The following FLYWCH2 variants were observed in gnomAD, a reference collection of about 807,000 sequenced individuals.
FLYWCH2 encodes the protein FLYWCH family member 2.
In FLYWCH2, 2 loss-of-function variants were observed where a neutral mutation model predicts 6.0. The ratio of observed to expected loss-of-function variants is 0.33; its 90% CI spans 0.14 to 1.04. The LOEUF (loss-of-function observed/expected upper bound fraction) is 1.04, where lower values mean the gene tolerates loss of function less well. FLYWCH2 is among the 50% of genes least tolerant of loss of function. FLYWCH2 has a pLI of 0.45. For missense variants in FLYWCH2, 192 were observed against 183.4 expected, an observed-to-expected ratio of 1.05 and a Z score of -0.27; for synonymous variants, 87 against 79.3, an observed-to-expected ratio of 1.10 and a Z score of -0.52.
intron 2 of FLYWCH2, among the ~76,000 whole-genome samples, 172 bp from the exon 3 acceptor site, chr16:2,896,180 G>A (rs2069817305): frequency 6.6e-6 from 1 of 152,300 alleles, no homozygotes; most frequent in East Asian, 1.9e-4. Context: ...ACGTTCCCAA[G>A]GCTGCCAGGA....
chr16:2,892,019 C>A (rs2069763343), intron 1 of FLYWCH2, among the ~76,000 whole-genome samples: 2 of 150,792 alleles, frequency 1.3e-5, no homozygotes, highest in South Asian at 2.1e-4. Context: ...TGGTGAAACC[C>A]TGTCTCAACT....
chr16:2,895,559 GAGCCA>G (rs2069809673), intron 2 of FLYWCH2, among the ~76,000 whole-genome samples: 1 of 152,256 alleles, frequency 6.6e-6, no homozygotes, highest in South Asian at 2.1e-4. Flanking sequence ...AGCTTGCAGT[GAGCCA>G]AGATCGTGCC....
At chr16:2,886,516 CTTTTTTTTT>C (rs34052316) in intron 1 of FLYWCH2, among the ~76,000 whole-genome samples, 1 of 66,848 alleles carries the variant, frequency 1.5e-5, no homozygotes, top group Non-Finnish European at 2.7e-5. Flanking sequence ...CCCCTTTGTC[CTTTTTTTTT>C]TTTTTTTTTT....
intron 1 of FLYWCH2, among the ~76,000 whole-genome samples, chr16:2,893,956 A>G (rs1329168077): frequency 6.6e-6 from 1 of 152,052 alleles, no homozygotes; most frequent in African/African-American, 2.4e-5. Context: ...GCCCTTTTGT[A>G]CAGCTCAGAG....
intron 1 of FLYWCH2, among the ~76,000 whole-genome samples, chr16:2,888,316 G>A (rs73477215): frequency 0.025 from 3,787 of 151,734 alleles, 177 homozygotes; most frequent in African/African-American, 0.085. Flanking sequence ...GGCCTGTGTC[G>A]GTCTTTATGC....
At chr16:2,892,505 A>AAC (rs397933048) in intron 1 of FLYWCH2, among the ~76,000 whole-genome samples, 1 of 148,334 alleles carries the variant, frequency 6.7e-6, no homozygotes. Context: ...CAAAAAAAAA[A>AAC]CACAATTTAT....
Position 2,886,778 on chromosome 16 carries a change from C to A in FLYWCH2, c.-200+3412C>A, listed in dbSNP as rs8044748. 3.1e-3 allele frequency among the ~76,000 whole-genome samples: 477 copies of A among 152,220 alleles called. 5 individuals carry two copies. Among genetic ancestry groups the A allele is most frequent in the African/African-American group, 0.011 (454 of 41,496 alleles). On this transcript the variant is annotated intron_variant, in intron 1 of 3. Coordinates refer to ENST00000396958, the MANE Select transcript of FLYWCH2 (RefSeq NM_138439.3). ...TCAGATGATCCACCTGCCTCGGCCT[C>A]CCAAAGTGCTGGGATTACAGGTGTG...
At chr16:2,890,083 AAAAAAAG>A (rs141158009) in intron 1 of FLYWCH2, among the ~76,000 whole-genome samples, 61,289 of 151,454 alleles carry the variant, frequency 0.4, 12,707 homozygotes, top group Non-Finnish European at 0.45. Flanking sequence ...CCTGTCTCTC[AAAAAAAG>A]AAAAAAGAAA....
downstream of FLYWCH2, chr16:2,899,370 C>A: frequency 2.3e-6 from 1 of 428,110 alleles, no homozygotes. Flanking sequence ...CCATAATGGG[C>A]AGGTTTTAAA....
intron 1 of FLYWCH2, among the ~76,000 whole-genome samples, chr16:2,893,052 G>A (rs528577049): frequency 8.7e-5 from 13 of 150,238 alleles, no homozygotes; most frequent in Admixed American, 2.7e-4. Context: ...GCAGCAGCAC[G>A]TATGGGAGGG....
Position 2,896,742 on chromosome 16 carries a change from C to A in FLYWCH2, c.293C>A (p.Pro98His). ...GCCATTGAGGCAGCCCCTCAGGAGCCTGAGCAGAAACGGAGCAGGCAGGAC... is the reference window on the plus strand; with the variant it reads ...GCCATTGAGGCAGCCCCTCAGGAGCATGAGCAGAAACGGAGCAGGCAGGAC... ...QRAIEAAPQE[P>H]EQKRSRQDPG... The change falls in exon 3 of 4, where the codon CCT becomes CAT. Residue 98 changes from proline to histidine, a missense_variant. Coordinates refer to ENST00000396958, the MANE Select transcript of FLYWCH2 (RefSeq NM_138439.3). 1 of 1,611,588 alleles carries A rather than the reference C, an allele frequency of 6.2e-7. No individual in the cohort carries two copies. The highest frequency in any genetic ancestry group is 8.5e-7 in the Non-Finnish European group (1 of 1,179,856).
rs562494857 is a variant in FLYWCH2, at chr16:2,886,705, G to A, written c.-200+3339G>A. Among the ~76,000 whole-genome samples, 9 of 151,322 alleles carry A rather than the reference G, an allele frequency of 5.9e-5. No homozygotes were observed. The South Asian group carries it at 1.0e-3, about 18-fold the overall frequency. ...CTTGGCTAATTTTGTATTTTTAGTA[G>A]AGACAGGGTTTCTCCATGTTGGTCA... On this transcript the variant is annotated intron_variant, in intron 1 of 3. Transcript: ENST00000396958.
chr16:2,896,423 C>T lies in FLYWCH2; in HGVS notation c.-27C>T, dbSNP rs754895450. Reference sequence around the variant, plus strand: ...TCCACCTGCTGGGGGCTGAGTGTGGCCTGAGGGACAGGCCCTGGGTCCCGG... The same window carrying T: ...TCCACCTGCTGGGGGCTGAGTGTGGTCTGAGGGACAGGCCCTGGGTCCCGG... On this transcript the variant is annotated 5_prime_UTR_variant, in exon 3 of 4. Transcript: ENST00000396958. The T allele has an allele frequency of 5.0e-6, 8 of 1,589,240 alleles. No homozygotes were observed. Among genetic ancestry groups the T allele is most frequent in the African/African-American group, 4.0e-5 (3 of 74,432 alleles).
At chr16:2,897,443 A>G (rs1250966525) in intron 3 of FLYWCH2, among the ~76,000 whole-genome samples, 1 of 152,120 alleles carries the variant, frequency 6.6e-6, no homozygotes, top group Non-Finnish European at 1.5e-5. Flanking sequence ...GCTGGAGGTG[A>G]TGGGGCAGGT....
At chr16:2,887,630 G>C (rs988558921) in intron 1 of FLYWCH2, among the ~76,000 whole-genome samples, 5 of 151,612 alleles carry the variant, frequency 3.3e-5, no homozygotes, top group African/African-American at 1.2e-4. Flanking sequence ...AGGTACAGCA[G>C]CACAATCACA....
At chr16:2,888,101 C>T (rs889876870) in intron 1 of FLYWCH2, among the ~76,000 whole-genome samples, 3 of 151,964 alleles carry the variant, frequency 2.0e-5, no homozygotes, top group Admixed American at 6.6e-5. Context: ...CTCCGCCTCC[C>T]GGGTTCTAGC....
At chr16:2,894,375 G>A (rs1178119863) in intron 1 of FLYWCH2, among the ~76,000 whole-genome samples, 2 of 152,190 alleles carry the variant, frequency 1.3e-5, no homozygotes, top group African/African-American at 2.4e-5. Context: ...ATTTATTCCT[G>A]CCCGGACTGC....
rs1424762253 is a variant in FLYWCH2, at chr16:2,892,670, C to T, written c.-199-2550C>T. 2.0e-5 allele frequency among the ~76,000 whole-genome samples: 3 copies of T among 151,606 alleles called. No individual in the cohort carries two copies. In the East Asian group the frequency reaches 5.8e-4, roughly 29 times the overall value. On this transcript the variant is annotated intron_variant, in intron 1 of 3. Transcript: ENST00000396958. ...ACCATCCTGGCCAACATGGTGAAAC[C>T]GCGTATCTACTAAAAATATAAAAAT...
intron 3 of FLYWCH2, 56 bp from the exon 4 acceptor site, chr16:2,898,993 A>C (rs1450901177): frequency 6.9e-7 from 1 of 1,451,512 alleles, no homozygotes; most frequent in African/African-American, 1.4e-5. Flanking sequence ...CCAACAGCCA[A>C]GCTGAGCCCT....
Sources: allele counts gnomAD v4.1 joint callset (sites outside exome capture counted in the v4.1 genomes callset), GRCh38; gene constraint gnomAD v4.1.1; transcripts MANE v1.5; gene names NCBI Gene and HGNC (gene_info 2026-07-23, HGNC 2026-07-21).